The following TUT4 variants were observed in gnomAD, a reference collection of about 807,000 sequenced individuals.
The protein encoded by TUT4 is terminal uridylyl transferase 4.
A neutral mutation model predicts 192.2 loss-of-function variants in TUT4; 36 were observed. The ratio of observed to expected loss-of-function variants is 0.19; its 90% CI spans 0.14 to 0.25. The LOEUF is 0.25. TUT4 is among the 10% of genes least tolerant of loss of function. The probability of loss-of-function intolerance (pLI) is 1.00; values close to 1 mark genes in which losing one functional copy is unlikely to be tolerated. For synonymous variants in TUT4, 618 were observed against 666.0 expected (o/e 0.93, Z 1.11); for missense variants, 1,493 against 1,957.2 (o/e 0.76, Z 4.47).
chr1:52,502,640 G>C lies in TUT4; in HGVS notation c.1000-5457C>G, dbSNP rs186611040. Among the ~76,000 whole-genome samples the C allele has an allele frequency of 1.1e-4, 12 of 112,092 alleles. No homozygotes were observed. The East Asian group carries it at 3.0e-3, about 28-fold the overall frequency. 73.5% of individuals were successfully genotyped at this position (112,092 alleles called of 152,430 possible). ...TTTTTTTTTTTTTTTTTTGAGATGG[G>C]ATCTCACTCCCTCTGTCACCCAGGT... On this transcript the variant is annotated intron_variant, in intron 4 of 29. Transcript: ENST00000257177.
chr1:52,461,667 TAAAA>T, intron 17 of TUT4, 41 bp downstream of exon 17: 1 of 1,546,968 alleles, frequency 6.5e-7, no homozygotes, highest in South Asian at 1.2e-5. Context: ...TCATATATGC[TAAAA>T]AAATTTATTT....
At chr1:52,547,140 T>C (rs539786512) in intron 1 of TUT4, among the ~76,000 whole-genome samples, 35 of 148,032 alleles carry the variant, frequency 2.4e-4, no homozygotes, top group Non-Finnish European at 4.5e-4. Flanking sequence ...GCCTTGGTGA[T>C]AGAGCAAGAC....
At chr1:52,476,369 C>T (rs1667075676) in intron 12 of TUT4, among the ~76,000 whole-genome samples, 1 of 152,082 alleles carries the variant, frequency 6.6e-6, no homozygotes, top group Admixed American at 6.6e-5. Context: ...AAAATAACTA[C>T]CCTGTAAAGT....
chr1:52,488,024 A>G (rs550225509), intron 9 of TUT4, among the ~76,000 whole-genome samples: 5 of 152,342 alleles, frequency 3.3e-5, no homozygotes, highest in African/African-American at 1.2e-4. Context: ...AGAACATTCT[A>G]GATGAAGGAA....
chr1:52,549,113 G>C (rs1375733962), intron 1 of TUT4, among the ~76,000 whole-genome samples: 1 of 152,132 alleles, frequency 6.6e-6, no homozygotes, highest in Admixed American at 6.6e-5. Context: ...GGAAAAGAAG[G>C]CTTGCCTATC....
intron 13 of TUT4, among the ~76,000 whole-genome samples, chr1:52,474,019 C>T (rs918362021): frequency 2.0e-5 from 3 of 152,134 alleles, no homozygotes; most frequent in African/African-American, 7.2e-5. Flanking sequence ...CCAGCCTGGG[C>T]AACATGGCGA....
intron 13 of TUT4, among the ~76,000 whole-genome samples, 172 bp downstream of exon 13, chr1:52,474,660 A>C (rs1214650369): frequency 6.6e-6 from 1 of 152,254 alleles, no homozygotes. Flanking sequence ...CTTTATATAC[A>C]TTATTTAAAG....
intron 19 of TUT4, 95 bp downstream of exon 19, chr1:52,461,039 C>T (rs1662410901): frequency 9.4e-7 from 1 of 1,067,614 alleles, no homozygotes. Flanking sequence ...CTCAGATAAA[C>T]AAAACTGAGA....
chr1:52,486,761 A>G (rs1669893033), intron 9 of TUT4, among the ~76,000 whole-genome samples: 1 of 152,236 alleles, frequency 6.6e-6, no homozygotes, highest in African/African-American at 2.4e-5. Flanking sequence ...ATTGACTGGC[A>G]TATTTAGAAT....
In TUT4 at chr1:52,463,875, A is replaced by T. The variant is rs530951523; in HGVS notation, c.3069+1195T>A. On this transcript the variant is annotated intron_variant, in intron 16 of 29. Coordinates refer to ENST00000257177, the MANE Select transcript of TUT4 (RefSeq NM_001009881.3). ...TGGCATCTCACGGTGGAACTCAGAA[A>T]GCTATCAGTTTCAGAAAGCAGTGGT... is the stretch of plus-strand genomic sequence containing the variant. 118 of 1,024,512 alleles carry T rather than the reference A, an allele frequency of 1.2e-4. 1 individual carries two copies. The highest frequency in any genetic ancestry group is 1.9e-5 in the Non-Finnish European group (14 of 749,768). The allele number at this position is 1,024,512 out of a possible 1,614,324, so 63.5% of individuals were successfully genotyped here.
intron 28 of TUT4, among the ~76,000 whole-genome samples, chr1:52,428,624 TAAAA>T (rs772389695): frequency 1.4e-5 from 1 of 72,900 alleles, no homozygotes; most frequent in Non-Finnish European, 2.7e-5. Flanking sequence ...AGACTCCCTC[TAAAA>T]AAAAAAAAAA....
chr1:52,463,667 G>A (rs41294510), intron 16 of TUT4: 99,927 of 1,303,860 alleles, frequency 0.077, 9,318 homozygotes, highest in African/African-American at 0.46. Context: ...ACATCTACAA[G>A]GATACCCTCC....
chr1:52,476,293 A>G (rs1257358434), intron 12 of TUT4, among the ~76,000 whole-genome samples: 4 of 152,230 alleles, frequency 2.6e-5, no homozygotes, highest in Non-Finnish European at 2.9e-5. Context: ...GTAGGAAGAA[A>G]GAGCAAAAAA....
intron 15 of TUT4, among the ~76,000 whole-genome samples, chr1:52,465,721 C>T (rs994916751): frequency 6.6e-6 from 1 of 152,182 alleles, no homozygotes; most frequent in African/African-American, 2.4e-5. Context: ...ACAAATATCA[C>T]CTTAGTATAC....
intron 20 of TUT4, among the ~76,000 whole-genome samples, chr1:52,456,411 C>CAAAAAAAAAAAA (rs1157223640): frequency 5.0e-4 from 6 of 11,996 alleles, no homozygotes; most frequent in East Asian, 2.4e-3. Flanking sequence ...GACTGTGTCT[C>CAAAAAAAAAAAA]AAAAAAAAAA....
At chr1:52,507,130 G>A (rs966505805) in intron 4 of TUT4, among the ~76,000 whole-genome samples, 3 of 152,114 alleles carry the variant, frequency 2.0e-5, no homozygotes, top group Admixed American at 6.6e-5. Context: ...ACCAATCACT[G>A]GTCTAATTTC....
chr1:52,486,497 A>G (rs1171033753), intron 9 of TUT4, among the ~76,000 whole-genome samples: 2 of 152,152 alleles, frequency 1.3e-5, no homozygotes, highest in African/African-American at 4.8e-5. Flanking sequence ...GAACCCCCAA[A>G]TCATGGAAAA....
At position 52,436,829 on chromosome 1, in the gene TUT4, C is replaced by T. The variant is rs1387036323; in HGVS notation, c.4088G>A (p.Cys1363Tyr). 6.2e-7 allele frequency: 1 copy of T among 1,613,962 alleles called. No individual in the cohort carries two copies. The highest frequency in any genetic ancestry group is 1.1e-5 in the South Asian group (1 of 91,066). Residue 1363 changes from cysteine to tyrosine, a missense_variant, in exon 26 of 30, where the codon TGT becomes TAT. Around this residue, in one of 7 missense-constraint regions of TUT4, gnomAD observed 351 missense variants for 397.8 expected, o/e 0.88. Coordinates refer to ENST00000257177, the MANE Select transcript of TUT4 (RefSeq NM_001009881.3). Reference protein sequence around the residue: ...RDPRDLRCFICGDAGHVRREC... With the variant: ...RDPRDLRCFIYGDAGHVRREC... ...CCTTCGTACATGTCCAGCATCTCCACATATAAAACATCTGAGGTCTCTCGG... is the reference window on the plus strand; with the variant it reads ...CCTTCGTACATGTCCAGCATCTCCATATATAAAACATCTGAGGTCTCTCGG...
In TUT4 at chr1:52,446,673, T is replaced by C; in HGVS notation, c.3436-6A>G. The C allele has an allele frequency of 1.9e-6, 3 of 1,594,918 alleles. No individual in the cohort carries two copies. The highest frequency in any genetic ancestry group is 1.7e-6 in the Non-Finnish European group (2 of 1,171,820). On this transcript the variant is annotated splice_polypyrimidine_tract_variant and splice_region_variant and intron_variant, in intron 20 of 29. Coordinates refer to ENST00000257177, the MANE Select transcript of TUT4 (RefSeq NM_001009881.3). ...ATCTGTTTTCCATCAAAGATCTGCA[T>C]AAAAAAATTAATTGTATTATTAGAT...
Sources: allele counts gnomAD v4.1 joint callset (sites outside exome capture counted in the v4.1 genomes callset), GRCh38; gene constraint gnomAD v4.1.1; regional missense constraint gnomAD v4.1.1; transcripts MANE v1.5; gene names NCBI Gene and HGNC (gene_info 2026-07-23, HGNC 2026-07-21).